GNAO1: variants seen among roughly 807,000 people sequenced by gnomAD.
GNAO1 encodes guanine nucleotide-binding protein G(o) subunit alpha.
For synonymous variants in GNAO1, 164 were observed against 180.7 expected (o/e 0.91, Z 0.74); for missense variants, 166 against 478.7 (o/e 0.35, Z 6.10).
At chr16:56,226,943 AG>A (rs1205259984) in intron 2 of GNAO1, among the ~76,000 whole-genome samples, 1 of 152,198 alleles carries the variant, frequency 6.6e-6, no homozygotes, top group Non-Finnish European at 1.5e-5. Flanking sequence ...GGGATTTAAA[AG>A]GGGATCTTTA....
intron 2 of GNAO1, chr16:56,193,799 A>G (rs1326418007): frequency 6.3e-6 from 2 of 316,450 alleles, no homozygotes; most frequent in Non-Finnish European, 1.2e-5. Context: ...TCAGTTCGAG[A>G]CGGAGGAGTT....
chr16:56,204,420 A>C lies in GNAO1; in HGVS notation c.161+11804A>C, dbSNP rs373043597. Reference sequence around the variant, plus strand: ...TGTGGTGTCCCTGGGGTGAGCATACATATGGCCAGGAGAGGGAGGGCCCAG... The same window carrying C: ...TGTGGTGTCCCTGGGGTGAGCATACCTATGGCCAGGAGAGGGAGGGCCCAG... On this transcript the variant is annotated intron_variant, in intron 2 of 8. Transcript: ENST00000262493. Among the ~76,000 whole-genome samples the C allele has an allele frequency of 3.9e-5, 6 of 152,114 alleles. No homozygotes were observed. In the East Asian group the frequency reaches 7.7e-4, roughly 20 times the overall value.
intron 3 of GNAO1, among the ~76,000 whole-genome samples, chr16:56,295,958 T>A (rs1177588023): frequency 1.3e-5 from 2 of 152,252 alleles, no homozygotes; most frequent in Non-Finnish European, 2.9e-5. Flanking sequence ...GTTAATTCTC[T>A]TCCCGTACCT....
chr16:56,235,876 A>T (rs1021199309), intron 2 of GNAO1, among the ~76,000 whole-genome samples: 2 of 152,222 alleles, frequency 1.3e-5, no homozygotes, highest in African/African-American at 4.8e-5. Context: ...TGTGTGAAGT[A>T]GGAAGGGAAA....
chr16:56,344,945 C>A, intron 6 of GNAO1: 1 of 985,442 alleles, frequency 1.0e-6, no homozygotes, highest in Non-Finnish European at 1.2e-6. Flanking sequence ...AAGAAATCAG[C>A]GAGTTTGTTC....
At chr16:56,269,549 C>T (rs986938023) in intron 2 of GNAO1, among the ~76,000 whole-genome samples, 8 of 152,184 alleles carry the variant, frequency 5.3e-5, no homozygotes, top group African/African-American at 1.7e-4. Context: ...TGTTACCACG[C>T]CCATCTCCCA....
At chr16:56,249,305 T>C (rs1369698789) in intron 2 of GNAO1, among the ~76,000 whole-genome samples, 1 of 152,204 alleles carries the variant, frequency 6.6e-6, no homozygotes, top group Non-Finnish European at 1.5e-5. Context: ...AAGCTGCATA[T>C]GGCTCCTCCG....
At chr16:56,280,622 G>A (rs1386916029) in intron 3 of GNAO1, among the ~76,000 whole-genome samples, 2 of 152,184 alleles carry the variant, frequency 1.3e-5, no homozygotes, top group Non-Finnish European at 2.9e-5. Flanking sequence ...ATGGGAGGCA[G>A]GTGAAGAAGC....
Position 56,192,087 on chromosome 16 carries a change from TCC to T in GNAO1, c.-147_-146del. 1 of 603,532 alleles carries T rather than the reference TCC, an allele frequency of 1.7e-6. No homozygotes were observed. Among genetic ancestry groups the T allele is most frequent in the Non-Finnish European group, 2.9e-6 (1 of 339,186 alleles). 37.4% of individuals were successfully genotyped at this position (603,532 alleles called of 1,614,324 possible). On this transcript the variant is annotated 5_prime_UTR_variant, in exon 1 of 9. Transcript: ENST00000262493. ...GCTGTCTTTTTGGAGGGTTCTGGTT[TCC>T]CGACATTTTTGTTTCCAGCCCAGGA...
intron 3 of GNAO1, among the ~76,000 whole-genome samples, chr16:56,313,316 A>G (rs905698496): frequency 6.6e-6 from 1 of 152,214 alleles, no homozygotes; most frequent in Non-Finnish European, 1.5e-5. Context: ...TATGTAGGTT[A>G]TATCTATCAA....
chr16:56,305,141 G>A (rs149291147), intron 3 of GNAO1, among the ~76,000 whole-genome samples: 10 of 152,232 alleles, frequency 6.6e-5, no homozygotes, highest in East Asian at 3.9e-4. Context: ...AGCTCACCCC[G>A]CCAGACCTTG....
intron 3 of GNAO1, among the ~76,000 whole-genome samples, chr16:56,310,870 ACACCTTCCATCTTATGGCACCAC>A (rs1567478656): frequency 6.6e-6 from 1 of 152,042 alleles, no homozygotes; most frequent in Non-Finnish European, 1.5e-5. Flanking sequence ...TCATGGACCA[ACACCTTCCATCTTATGGCACCAC>A]CACCCCCTAG....
intron 2 of GNAO1, among the ~76,000 whole-genome samples, chr16:56,242,764 TAAAC>T (rs1282047253): frequency 6.6e-6 from 1 of 152,148 alleles, no homozygotes; most frequent in East Asian, 1.9e-4. Context: ...TAAAACATCA[TAAAC>T]AACAAAAGAA....
At chr16:56,252,666 C>T (rs530003895) in intron 2 of GNAO1, among the ~76,000 whole-genome samples, 46 of 152,296 alleles carry the variant, frequency 3.0e-4, no homozygotes, top group African/African-American at 7.7e-4. Flanking sequence ...TTGATACTTT[C>T]GCATAGTGAG....
intron 6 of GNAO1, chr16:56,340,728 C>T: frequency 2.0e-6 from 2 of 982,580 alleles, no homozygotes; most frequent in Non-Finnish European, 3.1e-6. Context: ...GTGCATCCAG[C>T]CACATTGGTG....
intron 2 of GNAO1, among the ~76,000 whole-genome samples, chr16:56,222,641 G>A (rs2036501014): frequency 6.6e-6 from 1 of 152,174 alleles, no homozygotes; most frequent in African/African-American, 2.4e-5. Context: ...CCTACTCCAG[G>A]CTTGAGGCTC....
chr16:56,254,914 A>G lies in GNAO1; in HGVS notation c.162-21017A>G, dbSNP rs551745413. Among the ~76,000 whole-genome samples, 11 of 152,316 alleles carry G rather than the reference A, an allele frequency of 7.2e-5. No individual in the cohort carries two copies. The South Asian group carries it at 2.1e-3, about 29-fold the overall frequency. On this transcript the variant is annotated intron_variant, in intron 2 of 8. Transcript: ENST00000262493. ...CATATTGCTTTAATGTTATTTGAAC[A>G]CAAGATAACATGAAATAACTGTTCC...
chr16:56,289,616 G>C (rs1596844888), intron 3 of GNAO1, among the ~76,000 whole-genome samples: 1 of 152,230 alleles, frequency 6.6e-6, no homozygotes, highest in Non-Finnish European at 1.5e-5. Flanking sequence ...GGTGTGGGGA[G>C]AGGAAGGATG....
chr16:56,235,926 C>T (rs748139806), intron 2 of GNAO1, among the ~76,000 whole-genome samples: 2 of 152,170 alleles, frequency 1.3e-5, no homozygotes, highest in African/African-American at 4.8e-5. Flanking sequence ...TTTATGTACA[C>T]GACTTGGACC....
Sources: allele counts gnomAD v4.1 joint callset (sites outside exome capture counted in the v4.1 genomes callset), GRCh38; gene constraint gnomAD v4.1.1; transcripts MANE v1.5; gene names NCBI Gene and HGNC (gene_info 2026-07-23, HGNC 2026-07-21).